RASL10B: variants seen among roughly 807,000 people sequenced by gnomAD.
The protein encoded by RASL10B is RAS like family 10 member B.
RASL10B carries 10 observed loss-of-function variants against 20.7 expected under a neutral mutation model. The ratio of observed to expected loss-of-function variants is 0.48; its 90% confidence interval spans 0.30 to 0.82. RASL10B has a LOEUF of 0.82. RASL10B is among the 40% of genes least tolerant of loss of function. The pLI is 0.07. For missense variants in RASL10B, 231 were observed against 295.4 expected (o/e 0.78, Z 1.60); for synonymous variants, 110 against 123.3 (o/e 0.89, Z 0.72).
chr17:35,736,624 T>C (rs587774663), intron 2 of RASL10B, among the ~76,000 whole-genome samples: 39 of 152,366 alleles, frequency 2.6e-4, no homozygotes, highest in Middle Eastern at 6.8e-3. Flanking sequence ...AACAATCACC[T>C]GATTGGACAT....
In RASL10B at chr17:35,740,510, C is replaced by G. The variant is rs1489070364; in HGVS notation, c.318C>G (p.Ile106Met). 14 of 1,613,660 alleles carry G rather than the reference C, an allele frequency of 8.7e-6. No individual in the cohort carries two copies. Among genetic ancestry groups the G allele is most frequent in the Middle Eastern group, 1.7e-4 (1 of 6,034 alleles). ...CFDSFEYVKTIRQQILETRVI... is the reference protein window; with the variant it reads ...CFDSFEYVKTMRQQILETRVI... Reference sequence around the variant, plus strand: ...ACAGCTTTGAGTACGTCAAGACCATCCGCCAGCAGATCCTGGAGACGAGGT... The same window carrying G: ...ACAGCTTTGAGTACGTCAAGACCATGCGCCAGCAGATCCTGGAGACGAGGT... The change falls in exon 3 of 4, where the codon ATC becomes ATG. Residue 106 changes from isoleucine (I) to methionine (M), a missense_variant. Physicochemically the swap from Ile to Met is conservative, Grantham distance 10. Coordinates refer to ENST00000603017, the MANE Select transcript of RASL10B (RefSeq NM_033315.4).
rs1436153435 is a variant in RASL10B at position 35,735,754 on chromosome 17, C to T, written c.216+354C>T. The stretch of plus-strand genomic sequence containing the variant: ...GTTCTATGATTGGAGGAGCAGGGAG[C>T]TGGGGCAGCCCTTAAGGGGGCATCT... On this transcript the variant is annotated intron_variant, in intron 2 of 3. Coordinates refer to ENST00000603017, the MANE Select transcript of RASL10B (RefSeq NM_033315.4). The surrounding 1 kb of genome is among the most constrained non-coding windows in gnomAD (Gnocchi z 6.7). Among the ~76,000 whole-genome samples, 3 of 152,168 alleles carry T rather than the reference C, an allele frequency of 2.0e-5. No homozygotes were observed. The highest frequency in any genetic ancestry group is 4.4e-5 in the Non-Finnish European group (3 of 68,028).
intron 2 of RASL10B, among the ~76,000 whole-genome samples, chr17:35,739,686 A>T (rs782678496): frequency 1.1e-4 from 17 of 152,248 alleles, no homozygotes; most frequent in Admixed American, 5.9e-4. Flanking sequence ...CACATCAGGT[A>T]GCAGTCTAAG....
intron 2 of RASL10B, among the ~76,000 whole-genome samples, chr17:35,738,062 G>T (rs1555597441): frequency 6.6e-6 from 1 of 152,010 alleles, no homozygotes; most frequent in Admixed American, 6.6e-5. Flanking sequence ...TCAAACTTTT[G>T]ACAATATATT....
At chr17:35,740,043 A>T (rs72829942) in intron 2 of RASL10B, among the ~76,000 whole-genome samples, 221 of 152,320 alleles carry the variant, frequency 1.5e-3, no homozygotes, top group Admixed American at 2.6e-3. Context: ...TAGAATTTTA[A>T]CAGGTCCAAC....
chr17:35,731,902 CGGTCAGGGGTGGAGCGGGGCCG>C (rs1485384151), intron 1 of RASL10B, 24 bp downstream of exon 1: 1 of 139,096 alleles, frequency 7.2e-6, no homozygotes, highest in Admixed American at 7.1e-5. Context: ...GGAGGGGAAG[CGGTCAGGGGTGGAGCGGGGCCG>C]GGTCAGGGGC....
chr17:35,741,465 G>A lies in RASL10B; in HGVS notation c.*160G>A, dbSNP rs587708257. ...CCCGGTGAGAAGCAGAGCGCGAGAGGGAGCCCTCCGTAACTGCCCAGCCCT... is the reference window on the plus strand; with the variant it reads ...CCCGGTGAGAAGCAGAGCGCGAGAGAGAGCCCTCCGTAACTGCCCAGCCCT... On this transcript the variant is annotated 3_prime_UTR_variant, in exon 4 of 4. Coordinates refer to ENST00000603017, the MANE Select transcript of RASL10B (RefSeq NM_033315.4). 4 of 1,138,072 alleles carry A rather than the reference G, an allele frequency of 3.5e-6. No individual in the cohort carries two copies. In the African/African-American group the frequency reaches 4.9e-5, roughly 14 times the overall value. The allele number at this position is 1,138,072 out of a possible 1,614,324, so 70.5% of individuals were successfully genotyped here.
chr17:35,743,179 C>G lies in RASL10B; in HGVS notation c.*1874C>G, dbSNP rs1555598281. ...GCCTGCCCCTTTAGTCTCCTGCACC[C>G]CTGCCCCCTGGTTCACCAGAGGGAG... is the stretch of plus-strand genomic sequence containing the variant. On this transcript the variant is annotated 3_prime_UTR_variant, in exon 4 of 4. Transcript: ENST00000603017. 1 of 152,804 alleles carries G rather than the reference C, an allele frequency of 6.5e-6. No individual in the cohort carries two copies. The highest frequency in any genetic ancestry group is 1.5e-5 in the Non-Finnish European group (1 of 68,142). The allele number at this position is 152,804 out of a possible 1,614,324, so 9.5% of individuals were successfully genotyped here.
intron 2 of RASL10B, among the ~76,000 whole-genome samples, chr17:35,737,651 C>T (rs1269970074): frequency 2.0e-5 from 3 of 152,074 alleles, no homozygotes; most frequent in Non-Finnish European, 4.4e-5. Context: ...CCTATAATCC[C>T]AACACTTTGA....
At position 35,743,380 on chromosome 17, in the gene RASL10B, C is replaced by A. The variant is rs182798974; in HGVS notation, c.*2075C>A. ...AGGTCTTGGATTTCAGGTCCCTCCACCCCCATTCTGAGTCTCTGTCCTTCT... is the reference window on the plus strand; with the variant it reads ...AGGTCTTGGATTTCAGGTCCCTCCAACCCCATTCTGAGTCTCTGTCCTTCT... On this transcript the variant is annotated 3_prime_UTR_variant, in exon 4 of 4. Coordinates refer to ENST00000603017, the MANE Select transcript of RASL10B (RefSeq NM_033315.4). 416 of 153,090 alleles carry A rather than the reference C, an allele frequency of 2.7e-3. 11 individuals are homozygous for A. The highest frequency in any genetic ancestry group is 0.026 in the Admixed American group (391 of 15,310). The allele number at this position is 153,090 out of a possible 1,614,324, so 9.5% of individuals were successfully genotyped here. A position where few individuals can be genotyped will look rare whatever the true frequency, so the allele number is the denominator to read the frequency against.
In RASL10B at chr17:35,741,533, C is replaced by A; in HGVS notation, c.*228C>A. ...CTTCCTGGGACAGCCGCCTTCAGTG[C>A]TGTATTTAGTGCAGTGCCCGGCCCG... On this transcript the variant is annotated 3_prime_UTR_variant, in exon 4 of 4. Coordinates refer to ENST00000603017, the MANE Select transcript of RASL10B (RefSeq NM_033315.4). The A allele has an allele frequency of 1.6e-6, 1 of 610,770 alleles. No homozygotes were observed. Among genetic ancestry groups the A allele is most frequent in the Non-Finnish European group, 2.5e-6 (1 of 394,650 alleles). The allele number at this position is 610,770 out of a possible 1,614,324, so 37.8% of individuals were successfully genotyped here. A position where few individuals can be genotyped will look rare whatever the true frequency, so the allele number is the denominator to read the frequency against.
At chr17:35,738,005 G>A (rs2085605051) in intron 2 of RASL10B, among the ~76,000 whole-genome samples, 1 of 151,928 alleles carries the variant, frequency 6.6e-6, no homozygotes, top group South Asian at 2.1e-4. Context: ...TGTGAGCAAT[G>A]TATATGAGAG....
In RASL10B at chr17:35,740,358, G is replaced by C; in HGVS notation, c.217-51G>C. The C allele has an allele frequency of 1.9e-6, 3 of 1,595,552 alleles. No individual in the cohort carries two copies. The East Asian group carries it at 6.8e-5, about 36-fold the overall frequency. On this transcript the variant is annotated intron_variant, in intron 2 of 3. Transcript: ENST00000603017. ...TCTGATGGGAGGTGTTTGGGGGCTA[G>C]GGGAGCCCTCATGGCTGCTCTGACC... is the stretch of plus-strand genomic sequence containing the variant.
chr17:35,741,093 C>G lies in RASL10B; in HGVS notation c.400C>G (p.Arg134Gly). The change falls in exon 4 of 4, where the codon CGC (arginine) becomes GGC (glycine). Residue 134 changes from arginine to glycine, a missense_variant. Transcript: ENST00000603017. ...IIVGNKRDLQ[R>G]GRVIPRWNVS... ...CGTGGGCAACAAGCGGGACCTGCAGCGCGGACGCGTGATCCCGCGCTGGAA... is the reference window on the plus strand; with the variant it reads ...CGTGGGCAACAAGCGGGACCTGCAGGGCGGACGCGTGATCCCGCGCTGGAA... The G allele has an allele frequency of 1.9e-6, 3 of 1,612,946 alleles. No homozygotes were observed. Among genetic ancestry groups the G allele is most frequent in the East Asian group, 2.2e-5 (1 of 44,880 alleles).
At chr17:35,740,918 C>T in intron 3 of RASL10B, 117 bp from the exon 4 acceptor site, 2 of 815,518 alleles carry the variant, frequency 2.5e-6, no homozygotes, top group East Asian at 2.7e-5. Context: ...GGGCTTAGGG[C>T]TGCGCCTGGA....
Position 35,735,901 on chromosome 17 carries a change from G to A in RASL10B, c.216+501G>A, listed in dbSNP as rs2085588762. ...GACAGGGAACACTAGGCTACTGTGA[G>A]TATTCGGAGCTGTGCCTACCGTAAC... is the stretch of plus-strand genomic sequence containing the variant. On this transcript the variant is annotated intron_variant, in intron 2 of 3. Transcript: ENST00000603017. The surrounding 1 kb of genome is among the most constrained non-coding windows in gnomAD (Gnocchi z 6.7). 6.6e-6 allele frequency among the ~76,000 whole-genome samples: 1 copy of A among 152,202 alleles called. No individual in the cohort carries two copies. Among genetic ancestry groups the A allele is most frequent in the South Asian group, 2.1e-4 (1 of 4,832 alleles).
intron 2 of RASL10B, among the ~76,000 whole-genome samples, chr17:35,738,531 C>T (rs1350080067): frequency 1.3e-5 from 2 of 152,154 alleles, no homozygotes; most frequent in African/African-American, 4.8e-5. Flanking sequence ...CAGGTGCTTG[C>T]AACTCACCAA....
At chr17:35,734,657 A>T (rs1003188662) in intron 1 of RASL10B, among the ~76,000 whole-genome samples, 8 of 152,188 alleles carry the variant, frequency 5.3e-5, no homozygotes, top group African/African-American at 1.9e-4. Context: ...GAGTGCCAGC[A>T]CTGAGACACA....
Position 35,741,397 on chromosome 17 carries a change from A to T in RASL10B, c.*92A>T, listed in dbSNP as rs987771907. ...GGGGCGGGGAGCGGGCGGGAAATGG[A>T]ACTGTGACGGTCCCGGCCTGAGGCC... is the stretch of plus-strand genomic sequence containing the variant. On this transcript the variant is annotated 3_prime_UTR_variant, in exon 4 of 4. Transcript: ENST00000603017. 9 of 1,365,724 alleles carry T rather than the reference A, an allele frequency of 6.6e-6. No individual in the cohort carries two copies. The highest frequency in any genetic ancestry group is 8.5e-6 in the Non-Finnish European group (9 of 1,064,670). The allele number at this position is 1,365,724 out of a possible 1,614,324, so 84.6% of individuals were successfully genotyped here. A position where few individuals can be genotyped will look rare whatever the true frequency, so the allele number is the denominator to read the frequency against.
Sources: gnomAD v4.1 joint callset for allele counts (sites outside exome capture counted in the v4.1 genomes callset) on GRCh38, gnomAD v4.1.1 for gene constraint, Gnocchi (gnomAD v3.1) non-coding constraint, MANE v1.5 for transcripts, NCBI Gene and HGNC (gene_info 2026-07-23, HGNC 2026-07-21) for gene names.